The following WDR70 variants were observed in gnomAD, a reference collection of about 807,000 sequenced individuals.
The protein encoded by WDR70 is WD repeat domain 70.
Under a neutral mutation model 88.6 loss-of-function variants are expected in WDR70, and 53 were observed. That is an observed-to-expected ratio of 0.60 (90% CI 0.48 to 0.75). The LOEUF is 0.75. Among genes scored for constraint, WDR70 ranks in the 30% least tolerant of loss-of-function variants. The pLI is 0.00. For synonymous variants in WDR70, 280 were observed against 270.0 expected (o/e 1.04, Z -0.36); for missense variants, 610 against 823.2 (o/e 0.74, Z 3.17).
intron 9 of WDR70, among the ~76,000 whole-genome samples, chr5:37,567,615 T>C (rs1742780493): frequency 6.6e-6 from 1 of 152,104 alleles, no homozygotes; most frequent in Non-Finnish European, 1.5e-5. Context: ...AGTTTGGACA[T>C]GAGTTTTGAG....
At chr5:37,610,839 A>G (rs930850387) in intron 10 of WDR70, among the ~76,000 whole-genome samples, 1 of 152,186 alleles carries the variant, frequency 6.6e-6, no homozygotes, top group Non-Finnish European at 1.5e-5. Flanking sequence ...TAGGGATTAC[A>G]GAGTAATAAT....
At chr5:37,429,806 T>A (rs776426895) in intron 5 of WDR70, among the ~76,000 whole-genome samples, 3 of 152,228 alleles carry the variant, frequency 2.0e-5, no homozygotes, top group Non-Finnish European at 4.4e-5. Flanking sequence ...TTGTTTGTTT[T>A]GAAAACTGAT....
At chr5:37,462,115 G>A (rs1436096293) in intron 7 of WDR70, among the ~76,000 whole-genome samples, 1 of 151,842 alleles carries the variant, frequency 6.6e-6, no homozygotes, top group Non-Finnish European at 1.5e-5. Context: ...ATTTCTTTTG[G>A]CATTTGGAGT....
At chr5:37,507,556 A>G (rs1210825533) in intron 8 of WDR70, among the ~76,000 whole-genome samples, 1 of 152,128 alleles carries the variant, frequency 6.6e-6, no homozygotes, top group African/African-American at 2.4e-5. Context: ...CTAAGTCTCT[A>G]CTTCCACAAG....
chr5:37,446,567 G>C (rs1317251547), intron 7 of WDR70, among the ~76,000 whole-genome samples: 2 of 152,170 alleles, frequency 1.3e-5, no homozygotes, highest in African/African-American at 2.4e-5. Flanking sequence ...AACCAAAACG[G>C]CATGGTACTG....
intron 10 of WDR70, among the ~76,000 whole-genome samples, chr5:37,648,571 A>G (rs1581463908): frequency 7.7e-6 from 1 of 130,060 alleles, no homozygotes. Context: ...TCACTGTAAA[A>G]TAACACCAAC....
At chr5:37,618,925 G>A (rs1744425355) in intron 10 of WDR70, among the ~76,000 whole-genome samples, 1 of 152,218 alleles carries the variant, frequency 6.6e-6, no homozygotes, top group Non-Finnish European at 1.5e-5. Flanking sequence ...TTTTAGTGGT[G>A]AAGGTAATGT....
At chr5:37,530,884 C>A (rs890324294) in intron 9 of WDR70, among the ~76,000 whole-genome samples, 1 of 151,230 alleles carries the variant, frequency 6.6e-6, no homozygotes, top group Non-Finnish European at 1.5e-5. Context: ...GAGGCGTGAC[C>A]TTAGATTGTC....
chr5:37,422,338 G>A (rs34980101), intron 5 of WDR70, among the ~76,000 whole-genome samples: 25,993 of 124,006 alleles, frequency 0.21, 2,720 homozygotes, highest in East Asian at 0.42. Context: ...CGCCCAGGCC[G>A]GAGTAGTGCA....
At chr5:37,503,000 A>G (rs757380511) in intron 8 of WDR70, among the ~76,000 whole-genome samples, 18 of 152,110 alleles carry the variant, frequency 1.2e-4, no homozygotes, top group Non-Finnish European at 2.5e-4. Flanking sequence ...TACACAAACT[A>G]TATCACATAT....
intron 9 of WDR70, among the ~76,000 whole-genome samples, chr5:37,588,536 C>T (rs936092676): frequency 4.0e-5 from 6 of 151,634 alleles, no homozygotes; most frequent in African/African-American, 1.5e-4. Context: ...CCTTAACTTT[C>T]TTTTTTCCCC....
At position 37,445,971 on chromosome 5, in the gene WDR70, T is replaced by C. The variant is rs139232992; in HGVS notation, c.686+2599T>C. Among the ~76,000 whole-genome samples the C allele has an allele frequency of 3.2e-3, 491 of 152,216 alleles. 9 individuals are homozygous for C. The highest frequency in any genetic ancestry group is 0.011 in the African/African-American group (475 of 41,526). ...AGGCAGGAGAAAGAAATAAAGGGTA[T>C]TCAGTTAGAAAAAGAGGAATTGAAA... is the stretch of plus-strand genomic sequence containing the variant. On this transcript the variant is annotated intron_variant, in intron 7 of 17. Coordinates refer to ENST00000265107, the MANE Select transcript of WDR70 (RefSeq NM_018034.4).
chr5:37,456,051 T>TA (rs55651406), intron 7 of WDR70, among the ~76,000 whole-genome samples: 130,035 of 152,160 alleles, frequency 0.85, 59,207 homozygotes, highest in East Asian at 1. Flanking sequence ...ATAAAGCTTC[T>TA]ATAAATACTC....
chr5:37,404,980 C>T (rs1003084620), intron 5 of WDR70, among the ~76,000 whole-genome samples: 11 of 152,090 alleles, frequency 7.2e-5, no homozygotes, highest in Admixed American at 4.6e-4. Context: ...TGGGGTCCCT[C>T]CTATCAGTTT....
intron 17 of WDR70, among the ~76,000 whole-genome samples, chr5:37,747,206 G>A (rs939769723): frequency 6.6e-5 from 10 of 151,934 alleles, no homozygotes; most frequent in African/African-American, 1.5e-4. Context: ...AAAAAAGTGG[G>A]CAAAACATAT....
chr5:37,563,310 C>CT lies in WDR70; in HGVS notation c.918-41754_918-41753insT, dbSNP rs1181946991. ...GGCTGGCCGGGCGGGGGGCTGGCCC[C>CT]CCACCTCCCTCCTGGACGGGGCGGC... On this transcript the variant is annotated intron_variant, in intron 9 of 17. Transcript: ENST00000265107. Among the ~76,000 whole-genome samples, 2 of 61,714 alleles carry CT rather than the reference C, an allele frequency of 3.2e-5. 1 individual carries two copies. Among genetic ancestry groups the CT allele is most frequent in the African/African-American group, 9.9e-5 (2 of 20,128 alleles). The allele number at this position is 61,714 out of a possible 152,430, so 40.5% of individuals were successfully genotyped here. A position where few individuals can be genotyped will look rare whatever the true frequency, so the allele number is the denominator to read the frequency against.
At chr5:37,518,660 C>T (rs1267548737) in intron 9 of WDR70, among the ~76,000 whole-genome samples, 1 of 151,234 alleles carries the variant, frequency 6.6e-6, no homozygotes, top group Non-Finnish European at 1.5e-5. Context: ...GTGCTGCAAC[C>T]AACGTGGGAG....
At chr5:37,557,675 C>T (rs1454551681) in intron 9 of WDR70, among the ~76,000 whole-genome samples, 1 of 151,874 alleles carries the variant, frequency 6.6e-6, no homozygotes, top group Non-Finnish European at 1.5e-5. Context: ...GTAGCAGAGT[C>T]AGTGCTGAGT....
At chr5:37,727,776 C>T (rs1032266186) in intron 17 of WDR70, among the ~76,000 whole-genome samples, 1 of 152,056 alleles carries the variant, frequency 6.6e-6, no homozygotes, top group Non-Finnish European at 1.5e-5. Context: ...GTGTCTCACT[C>T]TGTTGCCCAG....
Sources: allele counts gnomAD v4.1 joint callset (sites outside exome capture counted in the v4.1 genomes callset), GRCh38; gene constraint gnomAD v4.1.1; transcripts MANE v1.5; gene names NCBI Gene and HGNC (gene_info 2026-07-23, HGNC 2026-07-21).